CWC27: variants seen among roughly 807,000 people sequenced by gnomAD.
The protein encoded by CWC27 is spliceosome-associated protein CWC27 homolog.
A neutral mutation model predicts 63.6 loss-of-function variants in CWC27; 47 were observed. That is an observed-to-expected ratio of 0.74 (90% CI 0.58 to 0.94). The LOEUF (loss-of-function observed/expected upper bound fraction) is 0.94. CWC27 is among the 40% of genes least tolerant of loss of function. The pLI, the probability that CWC27 is intolerant of heterozygous loss-of-function variation, is 0.00. For missense variants in CWC27, 495 were observed against 554.3 expected, an observed-to-expected ratio of 0.89 and a Z score of 1.07; for synonymous variants, 175 against 179.8, an observed-to-expected ratio of 0.97 and a Z score of 0.22.
intron 10 of CWC27, among the ~76,000 whole-genome samples, chr5:64,811,263 A>G (rs530165003): frequency 2.6e-5 from 4 of 152,200 alleles, no homozygotes; most frequent in African/African-American, 9.6e-5. Flanking sequence ...CATGTAAATC[A>G]GATTGTGTTG....
chr5:64,938,078 T>C (rs1463358665), intron 11 of CWC27, among the ~76,000 whole-genome samples: 1 of 152,210 alleles, frequency 6.6e-6, no homozygotes, highest in Non-Finnish European at 1.5e-5. Flanking sequence ...TCTGTGTCTT[T>C]TAATTGGGGC....
At chr5:64,958,959 A>T (rs1201846892) in intron 11 of CWC27, among the ~76,000 whole-genome samples, 1 of 152,176 alleles carries the variant, frequency 6.6e-6, no homozygotes, top group Non-Finnish European at 1.5e-5. Flanking sequence ...ACTAATTTTC[A>T]TGAACCTTTA....
chr5:64,882,757 C>A (rs556853450), intron 10 of CWC27, among the ~76,000 whole-genome samples: 28 of 152,188 alleles, frequency 1.8e-4, no homozygotes, highest in African/African-American at 6.7e-4. Flanking sequence ...CCCCGCCTGG[C>A]CAATGTTTTG....
At chr5:64,937,944 T>C (rs1748391758) in intron 11 of CWC27, among the ~76,000 whole-genome samples, 1 of 149,970 alleles carries the variant, frequency 6.7e-6, no homozygotes, top group Non-Finnish European at 1.5e-5. Flanking sequence ...TTTTTTTGCT[T>C]TCCATTTGCT....
intron 11 of CWC27, among the ~76,000 whole-genome samples, chr5:64,961,023 T>A (rs1748899383): frequency 6.6e-6 from 1 of 152,158 alleles, no homozygotes; most frequent in Non-Finnish European, 1.5e-5. Flanking sequence ...GCTCTTTTAA[T>A]CTATACAGTG....
intron 8 of CWC27, 103 bp from the exon 9 acceptor site, chr5:64,801,199 T>G: frequency 9.7e-7 from 1 of 1,035,106 alleles, no homozygotes; most frequent in South Asian, 1.6e-5. Flanking sequence ...AATACATTTT[T>G]GGAATGTTAT....
intron 11 of CWC27, among the ~76,000 whole-genome samples, chr5:64,967,244 G>T (rs993393180): frequency 6.6e-6 from 1 of 151,978 alleles, no homozygotes; most frequent in East Asian, 1.9e-4. Flanking sequence ...CCAGCACCAT[G>T]ACTGTACATG....
intron 13 of CWC27, among the ~76,000 whole-genome samples, chr5:64,978,605 G>GTT (rs35721397): frequency 3.1e-5 from 4 of 130,324 alleles, no homozygotes; most frequent in East Asian, 2.2e-4. Flanking sequence ...GGGTTTTTGG[G>GTT]TTTTTTTTTT....
At chr5:64,878,939 A>G (rs1293310526) in intron 10 of CWC27, among the ~76,000 whole-genome samples, 1 of 151,960 alleles carries the variant, frequency 6.6e-6, no homozygotes, top group East Asian at 1.9e-4. Context: ...AGCTGTGAAG[A>G]TCAGGGGAGT....
chr5:64,881,908 A>G (rs2112338490), intron 10 of CWC27, among the ~76,000 whole-genome samples: 1 of 152,308 alleles, frequency 6.6e-6, no homozygotes, highest in African/African-American at 2.4e-5. Flanking sequence ...CATCTAAATG[A>G]CTGAATTACT....
chr5:64,859,670 A>G (rs375979120), intron 10 of CWC27, among the ~76,000 whole-genome samples: 1 of 152,182 alleles, frequency 6.6e-6, no homozygotes, highest in East Asian at 1.9e-4. Context: ...TAAAAACTAA[A>G]GAGATCATTT....
intron 10 of CWC27, among the ~76,000 whole-genome samples, chr5:64,850,802 A>G (rs1053613666): frequency 6.6e-6 from 1 of 152,222 alleles, no homozygotes; most frequent in Non-Finnish European, 1.5e-5. Flanking sequence ...CAACAGATAC[A>G]TGAAAAAATG....
intron 10 of CWC27, among the ~76,000 whole-genome samples, chr5:64,825,027 C>T (rs1457301257): frequency 1.3e-5 from 2 of 152,052 alleles, no homozygotes; most frequent in African/African-American, 4.8e-5. Flanking sequence ...CCACCGCACC[C>T]GGCCAGTAAG....
rs1015490202 is a variant in CWC27, at chr5:64,801,437, T to C, written c.780+105T>C. 3 of 920,696 alleles carry C rather than the reference T, an allele frequency of 3.3e-6. No individual in the cohort carries two copies. The African/African-American group carries it at 5.4e-5, about 17-fold the overall frequency. The allele number at this position is 920,696 out of a possible 1,614,324, so 57.0% of individuals were successfully genotyped here. ...CTTAAAAAGTAACGTATATTACTTT[T>C]ATAGTTATATATGTCAAATTTTGGA... On this transcript the variant is annotated intron_variant, in intron 9 of 13. Transcript: ENST00000381070.
At chr5:64,967,865 T>C (rs1749048120) in intron 11 of CWC27, among the ~76,000 whole-genome samples, 1 of 151,992 alleles carries the variant, frequency 6.6e-6, no homozygotes, top group Admixed American at 6.6e-5. Flanking sequence ...AAAATAAGGA[T>C]TTTTTAGATA....
At chr5:64,923,693 C>T (rs1306530635) in intron 11 of CWC27, among the ~76,000 whole-genome samples, 3 of 150,364 alleles carry the variant, frequency 2.0e-5, no homozygotes, top group Non-Finnish European at 3.0e-5. Context: ...TATTGATTTA[C>T]TGAGTTTTGA....
chr5:64,826,817 G>C (rs1338173491), intron 10 of CWC27, among the ~76,000 whole-genome samples: 5 of 151,060 alleles, frequency 3.3e-5, no homozygotes, highest in Non-Finnish European at 5.9e-5. Flanking sequence ...CATTATCCAA[G>C]ATAAATTTTT....
At chr5:64,989,652 A>G (rs1219319965) in intron 13 of CWC27, among the ~76,000 whole-genome samples, 2 of 152,290 alleles carry the variant, frequency 1.3e-5, no homozygotes, top group Admixed American at 1.3e-4. Flanking sequence ...GGTTGACATG[A>G]CCTATCTCCA....
chr5:64,908,951 A>G (rs1747722974), intron 11 of CWC27, among the ~76,000 whole-genome samples: 1 of 152,124 alleles, frequency 6.6e-6, no homozygotes, highest in Non-Finnish European at 1.5e-5. Context: ...TATTTTGCCC[A>G]TTAGTTGATG....
Sources: allele counts gnomAD v4.1 joint callset (sites outside exome capture counted in the v4.1 genomes callset), GRCh38; gene constraint gnomAD v4.1.1; transcripts MANE v1.5; gene names NCBI Gene and HGNC (gene_info 2026-07-23, HGNC 2026-07-21).